The following MUC3A variants were observed in gnomAD, a reference collection of about 807,000 sequenced individuals.
MUC3A encodes the protein mucin-3A.
MUC3A carries 109 observed loss-of-function variants against 109.0 expected under a neutral mutation model. That is an observed-to-expected ratio of 1.00 (90% CI 0.86 to 1.17). The LOEUF is 1.17. MUC3A is among the 50% of genes most tolerant of loss of function. The pLI, the probability that MUC3A is intolerant of heterozygous loss-of-function variation, is 0.00. For synonymous variants in MUC3A, 1,398 were observed against 981.4 expected, an observed-to-expected ratio of 1.42 and a Z score of -7.93; for missense variants, 3,537 against 2,469.4, an observed-to-expected ratio of 1.43 and a Z score of -9.16.
chr7:100,966,076 A>C lies in MUC3A; in HGVS notation c.9611+210A>C, dbSNP rs376130367. 6 of 620,302 alleles carry C rather than the reference A, an allele frequency of 9.7e-6. No individual in the cohort carries two copies. The African/African-American group carries it at 1.1e-4, about 12-fold the overall frequency. The allele number at this position is 620,302 out of a possible 1,614,324, so 38.4% of individuals were successfully genotyped here. On this transcript the variant is annotated intron_variant, in intron 8 of 11. Coordinates refer to ENST00000379458, the MANE Select transcript of MUC3A (RefSeq NM_005960.2). Reference sequence around the variant, plus strand: ...TGATGGGGTTGAGTCCTGTCCCCTAATTCTGGGAGAGAACCCCGCCCACTC... The same window carrying C: ...TGATGGGGTTGAGTCCTGTCCCCTACTTCTGGGAGAGAACCCCGCCCACTC...
At position 100,955,705 on chromosome 7, in the gene MUC3A, C is replaced by T; in HGVS notation, c.3926C>T (p.Ala1309Val). The change falls in exon 2 of 12, where the codon GCC becomes GTC. Residue 1309 changes from alanine to valine, a missense_variant. By Grantham distance (64) the Ala-to-Val change is moderately conservative (BLOSUM62 0). Transcript: ENST00000379458. ...THTETISSLP[A>V]STNTIHTTAE... is the part of the protein sequence containing the mutation. Reference sequence around the variant, plus strand: ...ACAGAGACTATTTCCTCACTTCCAGCCAGCACCAATACAATCCACACAACA... The same window carrying T: ...ACAGAGACTATTTCCTCACTTCCAGTCAGCACCAATACAATCCACACAACA... 7.0e-6 allele frequency: 3 copies of T among 426,126 alleles called. No homozygotes were observed. Among genetic ancestry groups the T allele is most frequent in the Non-Finnish European group, 1.2e-5 (3 of 244,156 alleles). The allele number at this position is 426,126 out of a possible 1,614,324, so 26.4% of individuals were successfully genotyped here. A position where few individuals can be genotyped will look rare whatever the true frequency, so the allele number is the denominator to read the frequency against.
In MUC3A at chr7:100,962,226, C is replaced by T. The variant is rs1457595164; in HGVS notation, c.9053-925C>T. On this transcript the variant is annotated intron_variant, in intron 3 of 11. Transcript: ENST00000379458. The stretch of plus-strand genomic sequence containing the variant: ...CAGCCTGGGCGACAGAGCGAGACTC[C>T]GTCTCAAAAAAAAAAAAAAAAAAAA... 7.6e-4 allele frequency among the ~76,000 whole-genome samples: 4 copies of T among 5,234 alleles called. No individual in the cohort carries two copies. The Admixed American group carries it at 0.017, about 23-fold the overall frequency. The allele number at this position is 5,234 out of a possible 152,430, so 3.4% of individuals were successfully genotyped here.
Position 100,954,093 on chromosome 7 carries a change from C to T in MUC3A, c.2314C>T (p.His772Tyr), listed in dbSNP as rs923690647. The change falls in exon 2 of 12, where the codon CAT becomes TAT. Residue 772 changes from histidine (H) to tyrosine (Y), a missense_variant. Physicochemically the swap from His to Tyr is moderately conservative, Grantham distance 83. Transcript: ENST00000379458. ...LVTTTTKTTSHSTTSFTSSTV... is the reference protein window; with the variant it reads ...LVTTTTKTTSYSTTSFTSSTV... ...AACCACCACCACCAAGACCACCTCA[C>T]ATAGTACCACCAGCTTCACTTCTTC... The T allele has an allele frequency of 1.2e-5, 7 of 578,886 alleles. No individual in the cohort carries two copies. Among genetic ancestry groups the T allele is most frequent in the African/African-American group, 1.1e-4 (6 of 52,376 alleles). 35.9% of individuals were successfully genotyped at this position (578,886 alleles called of 1,614,324 possible).
Position 100,960,952 on chromosome 7 carries a change from C to G in MUC3A, c.9052+15C>G, listed in dbSNP as rs1792307756. 1 of 1,598,538 alleles carries G rather than the reference C, an allele frequency of 6.3e-7. No homozygotes were observed. Among genetic ancestry groups the G allele is most frequent in the Non-Finnish European group, 8.5e-7 (1 of 1,179,820 alleles). ...GGTGGATCTAGGTGAGTTGCCAGAG[C>G]TATGCCTTCTGCACTTCCTCCCACA... On this transcript the variant is annotated intron_variant, in intron 3 of 11. Coordinates refer to ENST00000379458, the MANE Select transcript of MUC3A (RefSeq NM_005960.2).
rs1374581599 is a variant in MUC3A at position 100,959,946 on chromosome 7, G to A, written c.8167G>A (p.Gly2723Ser). The A allele has an allele frequency of 2.0e-6, 3 of 1,509,792 alleles. No homozygotes were observed. The African/African-American group carries it at 4.2e-5, about 21-fold the overall frequency. 93.5% of individuals were successfully genotyped at this position (1,509,792 alleles called of 1,614,324 possible). ...ATACATTTTCAGTACAGAAAATGTG[G>A]GCTCCGCTTCTATCACAGGCTTTCC... ...SPYIFSTENV[G>S]SASITGFPSL... Residue 2723 changes from glycine to serine, a missense_variant, in exon 2 of 12, where the codon GGC becomes AGC. Transcript: ENST00000379458.
In MUC3A at chr7:100,967,866, T is replaced by A. The variant is rs1393843900; in HGVS notation, c.*704T>A. 5 of 138,046 alleles carry A rather than the reference T, an allele frequency of 3.6e-5. No homozygotes were observed. Among genetic ancestry groups the A allele is most frequent in the Non-Finnish European group, 7.8e-5 (5 of 64,368 alleles). 8.6% of individuals were successfully genotyped at this position (138,046 alleles called of 1,614,324 possible). ...GGATACCCAGGTGCTGTTCTCCCCG[T>A]CACCCCGTTGCCCAGTTCCCCGTTT... On this transcript the variant is annotated 3_prime_UTR_variant, in exon 12 of 12. Transcript: ENST00000379458.
chr7:100,959,368 C>T lies in MUC3A; in HGVS notation c.7589C>T (p.Pro2530Leu), dbSNP rs1792233650. ...PTRTHIISSS[P>L]SIQSTETSSL... is the part of the protein sequence containing the mutation. ...CGAACACACATCATTTCATCTTCTC[C>T]CTCCATCCAAAGTACAGAAACCTCA... Residue 2530 changes from proline (P) to leucine (L), a missense_variant, in exon 2 of 12, where the codon CCC becomes CTC. Pro to Leu is a moderately conservative substitution (Grantham distance 98, BLOSUM62 -3). Transcript: ENST00000379458. The T allele has an allele frequency of 1.6e-5, 24 of 1,540,478 alleles. No individual in the cohort carries two copies. The highest frequency in any genetic ancestry group is 2.5e-5 in the South Asian group (2 of 79,432).
Position 100,958,829 on chromosome 7 carries a change from CA to C in MUC3A, c.7052del (p.Asn2351ThrfsTer120). The C allele has an allele frequency of 6.9e-7, 1 of 1,439,814 alleles. No homozygotes were observed. The highest frequency in any genetic ancestry group is 9.2e-7 in the Non-Finnish European group (1 of 1,092,468). The allele number at this position is 1,439,814 out of a possible 1,614,324, so 89.2% of individuals were successfully genotyped here. A position where few individuals can be genotyped will look rare whatever the true frequency, so the allele number is the denominator to read the frequency against. Reference sequence around the variant, plus strand: ...CTTCTTCGATCACCACCACCGAGACCAACTCTCACAGTACTACCAGCTTCAC... The same window carrying C: ...CTTCTTCGATCACCACCACCGAGACCACTCTCACAGTACTACCAGCTTCAC... ...FTSSITTTET[N>X]SHSTTSFTSS... is the part of the protein sequence containing the mutation. On this transcript the variant is annotated frameshift_variant, in exon 2 of 12. Transcript: ENST00000379458. LOFTEE classifies it high-confidence loss of function.
chr7:100,955,423 C>A lies in MUC3A; in HGVS notation c.3644C>A (p.Thr1215Asn). 1 of 424,122 alleles carries A rather than the reference C, an allele frequency of 2.4e-6. No homozygotes were observed. The highest frequency in any genetic ancestry group is 3.9e-6 in the Non-Finnish European group (1 of 253,770). The allele number at this position is 424,122 out of a possible 1,614,324, so 26.3% of individuals were successfully genotyped here. A position where few individuals can be genotyped will look rare whatever the true frequency, so the allele number is the denominator to read the frequency against. ...YPSVGSTGFL[T>N]TATDLTSTFT... The stretch of plus-strand genomic sequence containing the variant: ...TCTGTGGGCTCTACCGGTTTCCTGA[C>A]TACAGCAACAGACCTCACATCAACA... The change falls in exon 2 of 12, where the codon ACT becomes AAT. Residue 1215 changes from threonine (T) to asparagine (N), a missense_variant. Coordinates refer to ENST00000379458, the MANE Select transcript of MUC3A (RefSeq NM_005960.2).
intron 4 of MUC3A, 35 bp from the exon 5 acceptor site, chr7:100,963,653 T>A: frequency 6.3e-7 from 1 of 1,598,374 alleles, no homozygotes; most frequent in Non-Finnish European, 8.5e-7. Flanking sequence ...GGTCTGCAGG[T>A]TCGGACGTGA....
chr7:100,959,627 A>G lies in MUC3A; in HGVS notation c.7848A>G (p.Pro2616=), dbSNP rs745539455. ...SSTSTLHTLT[P]STALSTIVST... is the part of the protein sequence containing the mutation. ...CGTCCACTCTTCATACTCTTACTCC[A>G]TCAACAGCCTTGAGCACGATCGTGT... The change falls in exon 2 of 12, where the codon CCA becomes CCG. Residue 2616 remains proline, a synonymous_variant. Coordinates refer to ENST00000379458, the MANE Select transcript of MUC3A (RefSeq NM_005960.2). 3.8e-6 allele frequency: 6 copies of G among 1,598,484 alleles called. No individual in the cohort carries two copies. In the Admixed American group the frequency reaches 6.7e-5, roughly 18 times the overall value.
intron 4 of MUC3A, 104 bp from the exon 5 acceptor site, chr7:100,963,584 C>G: frequency 6.4e-7 from 1 of 1,558,672 alleles, no homozygotes. Context: ...GGCACCCGGC[C>G]GGGGAGGGGA....
Position 100,960,046 on chromosome 7 carries a change from C to G in MUC3A, c.8267C>G (p.Thr2756Ser), listed in dbSNP as rs775824226. The change falls in exon 2 of 12, where the codon ACC (threonine) becomes AGC (serine). Residue 2756 changes from threonine to serine, a missense_variant. Physicochemically the swap from Thr to Ser is moderately conservative, Grantham distance 58. Coordinates refer to ENST00000379458, the MANE Select transcript of MUC3A (RefSeq NM_005960.2). Reference sequence around the variant, plus strand: ...CTGACCACAGCTCTCACTGAAATAACCCCCTTTTCTTATATTTCCCTTCCC... The same window carrying G: ...CTGACCACAGCTCTCACTGAAATAAGCCCCTTTTCTTATATTTCCCTTCCC... Reference protein sequence around the residue: ...SSLTTALTEITPFSYISLPST... With the variant: ...SSLTTALTEISPFSYISLPST... 14 of 1,510,156 alleles carry G rather than the reference C, an allele frequency of 9.3e-6. No homozygotes were observed. The highest frequency in any genetic ancestry group is 7.0e-6 in the Non-Finnish European group (8 of 1,140,564). The allele number at this position is 1,510,156 out of a possible 1,614,324, so 93.5% of individuals were successfully genotyped here.
At chr7:100,966,049 T>TAAAGTGTAGCCCCGCCTCC in intron 8 of MUC3A, 183 bp downstream of exon 8, 8 of 855,044 alleles carry the variant, frequency 9.4e-6, no homozygotes, top group Non-Finnish European at 1.3e-5. Context: ...GCTCTGCTCC[T>TAAAGTGTAGCCCCGCCTCC]TTGATGGGGT....
At chr7:100,962,533 C>T (rs1434125632) in intron 3 of MUC3A, among the ~76,000 whole-genome samples, 1 of 152,304 alleles carries the variant, frequency 6.6e-6, no homozygotes, top group Non-Finnish European at 1.5e-5. Context: ...TGGACATCTT[C>T]CCACTATGGG....
In MUC3A at chr7:100,960,987, TG is replaced by T. The variant is rs781767971; in HGVS notation, c.9052+51del. On this transcript the variant is annotated intron_variant, in intron 3 of 11. Transcript: ENST00000379458. ...TGCACTTCCTCCCACAGGGTGTCACTGACTCTCCCCAGACTTATCCCTCTGT... is the reference window on the plus strand; with the variant it reads ...TGCACTTCCTCCCACAGGGTGTCACTACTCTCCCCAGACTTATCCCTCTGT... 1.4e-5 allele frequency: 23 copies of T among 1,598,088 alleles called. No individual in the cohort carries two copies. In the Middle Eastern group the frequency reaches 6.6e-4, roughly 46 times the overall value.
intron 8 of MUC3A, 153 bp downstream of exon 8, chr7:100,966,019 C>T: frequency 1.6e-6 from 2 of 1,268,556 alleles, no homozygotes; most frequent in Admixed American, 2.9e-5. Context: ...CGTTGCCCTA[C>T]AGTGGAGCCC....
At position 100,957,094 on chromosome 7, in the gene MUC3A, C is replaced by A. The variant is rs1014751933; in HGVS notation, c.5315C>A (p.Thr1772Lys). ...PITSSITSTY[T>K]VTSMTTTTPL... ...ACTTCTTCAATCACCTCCACATATACGGTGACTTCGATGACAACTACCACC... is the reference window on the plus strand; with the variant it reads ...ACTTCTTCAATCACCTCCACATATAAGGTGACTTCGATGACAACTACCACC... The change falls in exon 2 of 12, where the codon ACG (threonine) becomes AAG (lysine). Residue 1772 changes from threonine (T) to lysine (K), a missense_variant. Transcript: ENST00000379458. 6 of 476,296 alleles carry A rather than the reference C, an allele frequency of 1.3e-5. No individual in the cohort carries two copies. In the East Asian group the frequency reaches 1.3e-4, roughly 10 times the overall value. The allele number at this position is 476,296 out of a possible 1,614,324, so 29.5% of individuals were successfully genotyped here. A position where few individuals can be genotyped will look rare whatever the true frequency, so the allele number is the denominator to read the frequency against.
In MUC3A at chr7:100,959,279, C is replaced by T. The variant is rs779337570; in HGVS notation, c.7500C>T (p.Ser2500=). ...RTLTPSSVGT[S]TSLTTTTDFP... ...TCACCCCTTCGTCTGTGGGCACCAG[C>T]ACTTCATTGACTACAACCACAGACT... Residue 2500 remains serine, a synonymous_variant, in exon 2 of 12, where the codon AGC becomes AGT. Coordinates refer to ENST00000379458, the MANE Select transcript of MUC3A (RefSeq NM_005960.2). The T allele has an allele frequency of 2.5e-6, 4 of 1,590,262 alleles. No individual in the cohort carries two copies. In the South Asian group the frequency reaches 3.4e-5, roughly 13 times the overall value.
Sources: allele counts gnomAD v4.1 joint callset (sites outside exome capture counted in the v4.1 genomes callset), GRCh38; gene constraint gnomAD v4.1.1; transcripts MANE v1.5; gene names NCBI Gene and HGNC (gene_info 2026-07-23, HGNC 2026-07-21).